Variants in LAMB3 observed in about 807,000 individuals in gnomAD.
LAMB3 encodes the protein laminin subunit beta-3.
Under a neutral mutation model 140.3 loss-of-function variants are expected in LAMB3, and 104 were observed. The ratio of observed to expected loss-of-function variants is 0.74; its 90% CI spans 0.63 to 0.87. The LOEUF (loss-of-function observed/expected upper bound fraction) is 0.87, where lower values mean the gene tolerates loss of function less well. LAMB3 is among the 40% of genes least tolerant of loss of function. The pLI, the probability that LAMB3 is intolerant of heterozygous loss-of-function variation, is 0.00. For missense variants in LAMB3, 1,531 were observed against 1,575.2 expected (o/e 0.97, Z 0.47); for synonymous variants, 592 against 602.9 (o/e 0.98, Z 0.26).
rs971435579 is a variant in LAMB3, at chr1:209,638,449, AC to A, written c.298+84del. 1.3e-4 allele frequency: 114 copies of A among 884,692 alleles called. No homozygotes were observed. In the African/African-American group the frequency reaches 1.6e-3, roughly 13 times the overall value. 54.8% of individuals were successfully genotyped at this position (884,692 alleles called of 1,614,324 possible). On this transcript the variant is annotated intron_variant, in intron 4 of 22. Transcript: ENST00000356082. ...CACCACCATAAGAAATGCCTGGGAA[AC>A]CCAAAGGGTTATAGGGCACCTTCCA...
rs1229182113 is a variant in LAMB3 at position 209,632,718 on chromosome 1, T to C, written c.687A>G (p.Gln229=). 6.8e-6 allele frequency: 11 copies of C among 1,614,024 alleles called. No individual in the cohort carries two copies. Among genetic ancestry groups the C allele is most frequent in the Admixed American group, 1.7e-5 (1 of 60,002 alleles). Residue 229 remains glutamine (Q), a synonymous_variant, in exon 8 of 23, where the codon CAA becomes CAG. Transcript: ENST00000356082. Reference sequence around the variant, plus strand: ...AGGCGCTGGGAGGGTGGTAGCCCCTTTGGGGCACAGGGGCCAGCCTGGTGA... The same window carrying C: ...AGGCGCTGGGAGGGTGGTAGCCCCTCTGGGGCACAGGGGCCAGCCTGGTGA... ...VNFTRLAPVP[Q]RGYHPPSAYY...
At chr1:209,629,984 A>G (rs1666621062) in intron 9 of LAMB3, 59 bp from the exon 10 acceptor site, 2 of 1,538,772 alleles carry the variant, frequency 1.3e-6, no homozygotes, top group Non-Finnish European at 1.8e-6. Context: ...TCTACAGAGC[A>G]TGCTCCACAA....
In LAMB3 at chr1:209,650,703, T is replaced by C. The variant is rs904560309; in HGVS notation, c.28+214A>G. ...ACCCTCGGCTGAGAATAAGAAGACA[T>C]TTGGGAGCCTTTCCAGAGTGGCAGA... On this transcript the variant is annotated intron_variant, in intron 2 of 22. Coordinates refer to ENST00000356082, the MANE Select transcript of LAMB3 (RefSeq NM_000228.3). Among the ~76,000 whole-genome samples the C allele has an allele frequency of 2.0e-5, 3 of 152,190 alleles. No individual in the cohort carries two copies. In the East Asian group the frequency reaches 5.8e-4, roughly 29 times the overall value.
Position 209,650,929 on chromosome 1 carries a change from G to A in LAMB3, c.16C>T (p.Leu6Phe), listed in dbSNP as rs113185295. Reference sequence around the variant, plus strand: ...AAGGGGTACTTACCAAAACACAAGAGGAAGAATGGTCTCATCTTCAGCCAA... The same window carrying A: ...AAGGGGTACTTACCAAAACACAAGAAGAAGAATGGTCTCATCTTCAGCCAA... The part of the protein sequence containing the change: MRPFF[L>F]LCFALPGLLH... Residue 6 changes from leucine (L) to phenylalanine (F), a missense_variant, in exon 2 of 23, where the codon CTC becomes TTC. By Grantham distance (22) the Leu-to-Phe change is conservative. Transcript: ENST00000356082. 2.2e-5 allele frequency: 36 copies of A among 1,614,130 alleles called. No homozygotes were observed. In the African/African-American group the frequency reaches 4.1e-4, roughly 19 times the overall value.
chr1:209,645,409 T>C (rs757986188), intron 3 of LAMB3, among the ~76,000 whole-genome samples: 4 of 152,194 alleles, frequency 2.6e-5, no homozygotes, highest in African/African-American at 7.2e-5. Context: ...TTAGGGCTTC[T>C]GGGAAACAAA....
intron 13 of LAMB3, 55 bp from the exon 14 acceptor site, chr1:209,626,081 T>A (rs561040550): frequency 1.8e-5 from 28 of 1,587,540 alleles, no homozygotes; most frequent in Non-Finnish European, 2.3e-5. Context: ...CAGAAGCAGC[T>A]GTCAGGGAGA....
At chr1:209,632,882 C>T in intron 7 of LAMB3, 106 bp from the exon 8 acceptor site, 1 of 1,163,414 alleles carries the variant, frequency 8.6e-7, no homozygotes, top group Non-Finnish European at 1.3e-6. Context: ...GTGGGCCATC[C>T]TCTCCAGACC....
intron 4 of LAMB3, 143 bp from the exon 5 acceptor site, chr1:209,638,124 G>A: frequency 1.4e-6 from 1 of 737,422 alleles, no homozygotes; most frequent in Admixed American, 2.0e-5. Flanking sequence ...GAGGAGTGGG[G>A]AGTGGTATGT....
At chr1:209,637,557 A>C (rs1011586630) in intron 5 of LAMB3, among the ~76,000 whole-genome samples, 4 of 152,290 alleles carry the variant, frequency 2.6e-5, no homozygotes, top group Non-Finnish European at 5.9e-5. Flanking sequence ...TGCTTGTTAA[A>C]GTCAATCTAA....
rs763258645 is a variant in LAMB3 at position 209,645,331 on chromosome 1, G to A, written c.183+4633C>T. On this transcript the variant is annotated intron_variant, in intron 3 of 22. Transcript: ENST00000356082. ...TCAAGGCTATCTGTGTTTTAAACAA[G>A]GAACTCAGTAATGCTTCATCCAAAA... Among the ~76,000 whole-genome samples, 21 of 152,234 alleles carry A rather than the reference G, an allele frequency of 1.4e-4. 1 individual carries two copies. The highest frequency in any genetic ancestry group is 1.2e-4 in the Non-Finnish European group (8 of 68,018).
chr1:209,648,223 A>G (rs2298925), intron 3 of LAMB3, among the ~76,000 whole-genome samples: 39,957 of 152,058 alleles, frequency 0.26, 5,544 homozygotes, highest in Admixed American at 0.38. Flanking sequence ...CTCATTGCCA[A>G]AGAATGTTAG....
chr1:209,652,156 C>T (rs971529442), intron 1 of LAMB3: 2 of 152,242 alleles, frequency 1.3e-5, no homozygotes, highest in African/African-American at 4.8e-5. Flanking sequence ...TGCTCAACCC[C>T]GGATCTGAAC....
intron 20 of LAMB3, 97 bp downstream of exon 20, chr1:209,617,810 A>G: frequency 6.7e-7 from 1 of 1,497,672 alleles, no homozygotes. Context: ...ACTCCACCTC[A>G]GGTTTTATCT....
At chr1:209,617,067 A>G (rs918467690) in intron 21 of LAMB3, among the ~76,000 whole-genome samples, 1 of 152,194 alleles carries the variant, frequency 6.6e-6, no homozygotes, top group Non-Finnish European at 1.5e-5. Flanking sequence ...TTAAGCAAAG[A>G]GCATCTGTCC....
At position 209,627,071 on chromosome 1, in the gene LAMB3, G is replaced by T. The variant is rs946098445; in HGVS notation, c.1486-93C>A. ...TGTGTCCTAGATTCCTGGTCCACAG[G>T]TAGAATCCAGGGCTCATGGCCACCT... On this transcript the variant is annotated intron_variant, in intron 12 of 22. Coordinates refer to ENST00000356082, the MANE Select transcript of LAMB3 (RefSeq NM_000228.3). 7 of 963,194 alleles carry T rather than the reference G, an allele frequency of 7.3e-6. No individual in the cohort carries two copies. The African/African-American group carries it at 9.7e-5, about 13-fold the overall frequency. The allele number at this position is 963,194 out of a possible 1,614,324, so 59.7% of individuals were successfully genotyped here. A position where few individuals can be genotyped will look rare whatever the true frequency, so the allele number is the denominator to read the frequency against.
rs757278127 is a variant in LAMB3 at position 209,650,068 on chromosome 1, A to G, written c.79T>C (p.Tyr27His). The G allele has an allele frequency of 2.3e-5, 37 of 1,614,036 alleles. No individual in the cohort carries two copies. The highest frequency in any genetic ancestry group is 3.0e-5 in the Non-Finnish European group (35 of 1,180,042). The change falls in exon 3 of 23, where the codon TAT (tyrosine) becomes CAT (histidine). Residue 27 changes from tyrosine to histidine, a missense_variant. Physicochemically the swap from Tyr to His is moderately conservative, Grantham distance 83. Coordinates refer to ENST00000356082, the MANE Select transcript of LAMB3 (RefSeq NM_000228.3). ...ACAAGCAGGTCCCCAACAGGTGGAT[A>G]GCAGGCCCCACGGGAGCAGGCTTGT... ...AQQACSRGAC[Y>H]PPVGDLLVGR...
chr1:209,621,962 A>C (rs1331053478), intron 18 of LAMB3, among the ~76,000 whole-genome samples: 1 of 152,200 alleles, frequency 6.6e-6, no homozygotes, highest in African/African-American at 2.4e-5. Flanking sequence ...AATGAGGGTG[A>C]GTAGTGCAAG....
At position 209,629,813 on chromosome 1, in the gene LAMB3, G is replaced by A; in HGVS notation, c.1056C>T (p.Gly352=). ...GCAGCTGACACCGCTCACAGTTCTT[G>A]CCTTCGGTGTGGTCCCGGCAATTGT... ...VCDNCRDHTE[G]KNCERCQLHY... is the part of the protein sequence containing the mutation. The change falls in exon 10 of 23, where the codon GGC becomes GGT. Residue 352 remains glycine, a synonymous_variant. Coordinates refer to ENST00000356082, the MANE Select transcript of LAMB3 (RefSeq NM_000228.3). 3 of 1,613,962 alleles carry A rather than the reference G, an allele frequency of 1.9e-6. No homozygotes were observed. Among genetic ancestry groups the A allele is most frequent in the Non-Finnish European group, 2.5e-6 (3 of 1,180,038 alleles).
intron 12 of LAMB3, 88 bp downstream of exon 12, chr1:209,627,295 G>A: frequency 8.8e-7 from 1 of 1,131,142 alleles, no homozygotes; most frequent in South Asian, 1.4e-5. Flanking sequence ...GAGAGGCCTA[G>A]AAGGGCAGCA....
Sources: allele counts gnomAD v4.1 joint callset (sites outside exome capture counted in the v4.1 genomes callset), GRCh38; gene constraint gnomAD v4.1.1; transcripts MANE v1.5; gene names NCBI Gene and HGNC (gene_info 2026-07-23, HGNC 2026-07-21).